The following SLC26A5 variants were observed in gnomAD, a reference collection of about 807,000 sequenced individuals.
SLC26A5 encodes the protein prestin.
SLC26A5 carries 51 observed loss-of-function variants against 81.0 expected under a neutral mutation model. That is an observed-to-expected ratio of 0.63 (90% CI 0.50 to 0.80). The LOEUF (loss-of-function observed/expected upper bound fraction) is 0.80. Among genes scored for constraint, SLC26A5 ranks in the 30% least tolerant of loss-of-function variants. The probability of loss-of-function intolerance (pLI) is 0.00; values close to 1 mark genes in which losing one functional copy is unlikely to be tolerated. For synonymous variants in SLC26A5, 325 were observed against 332.8 expected (o/e 0.98, Z 0.25); for missense variants, 771 against 905.8 (o/e 0.85, Z 1.91).
intron 2 of SLC26A5, among the ~76,000 whole-genome samples, chr7:103,425,209 A>T (rs997541920): frequency 6.6e-6 from 1 of 152,182 alleles, no homozygotes; most frequent in African/African-American, 2.4e-5. Context: ...AAGCAGAGCA[A>T]TTATATTTAT....
At chr7:103,365,497 C>T (rs1172959201) in intron 19 of SLC26A5, among the ~76,000 whole-genome samples, 1 of 151,978 alleles carries the variant, frequency 6.6e-6, no homozygotes, top group Non-Finnish European at 1.5e-5. Context: ...GGTGTGGTGG[C>T]GCATGTCTGT....
At chr7:103,440,973 C>G (rs190056974) in intron 2 of SLC26A5, among the ~76,000 whole-genome samples, 36 of 152,272 alleles carry the variant, frequency 2.4e-4, no homozygotes, top group African/African-American at 8.4e-4. Flanking sequence ...ACTGCATGCA[C>G]TGTGTATGGA....
chr7:103,386,555 T>G (rs1239984462), intron 14 of SLC26A5, among the ~76,000 whole-genome samples: 2 of 151,806 alleles, frequency 1.3e-5, no homozygotes, highest in Non-Finnish European at 2.9e-5. Context: ...AGAGCAAGAC[T>G]CTGTCTCAAA....
chr7:103,396,362 A>G (rs913694004), intron 9 of SLC26A5, among the ~76,000 whole-genome samples: 15 of 152,210 alleles, frequency 9.9e-5, no homozygotes, highest in Admixed American at 3.3e-4. Flanking sequence ...TCTCAAAGAC[A>G]TATTTGCACA....
In SLC26A5 at chr7:103,367,648, T is replaced by G; in HGVS notation, c.2041+9160A>C. On this transcript the variant is annotated intron_variant, in intron 19 of 19. Coordinates refer to the SLC26A5 transcript ENST00000339444. This position sits in a 1 kb window ranked among gnomAD's most constrained non-coding sequence, Gnocchi z 6.1. ...AACCATTTCATTTTAGGAAAGGGAT[T>G]TTTGAAGTTTTTTCTTCCTGTGATT... 6.2e-7 allele frequency: 1 copy of G among 1,609,504 alleles called. No homozygotes were observed. Among genetic ancestry groups the G allele is most frequent in the Non-Finnish European group, 8.5e-7 (1 of 1,177,848 alleles).
At chr7:103,352,937 AG>A (rs1234901837) in intron 19 of SLC26A5, 1 of 780,714 alleles carries the variant, frequency 1.3e-6, no homozygotes, top group Non-Finnish European at 2.4e-6. Context: ...CTGAAACAAG[AG>A]GGTAGAGTGA....
At chr7:103,361,335 C>CT (rs1820386501) in intron 19 of SLC26A5, among the ~76,000 whole-genome samples, 1 of 133,430 alleles carries the variant, frequency 7.5e-6, no homozygotes, top group Non-Finnish European at 1.6e-5. Flanking sequence ...CCCCTCTCTA[C>CT]TAAAAAAAAA....
chr7:103,382,883 G>T (rs1485458719), intron 14 of SLC26A5, among the ~76,000 whole-genome samples: 1 of 152,180 alleles, frequency 6.6e-6, no homozygotes, highest in Non-Finnish European at 1.5e-5. Flanking sequence ...GCTTGCCAGA[G>T]GCAGAATATG....
intron 19 of SLC26A5, chr7:103,363,494 A>T: frequency 2.0e-6 from 3 of 1,468,138 alleles, no homozygotes; most frequent in Non-Finnish European, 2.9e-6. Flanking sequence ...TCTTTTGTGT[A>T]TTGAGCACTA....
intron 19 of SLC26A5, among the ~76,000 whole-genome samples, chr7:103,353,750 T>C (rs780362558): frequency 2.6e-5 from 4 of 152,240 alleles, no homozygotes; most frequent in Non-Finnish European, 4.4e-5. Flanking sequence ...AGATAAAAAT[T>C]CCTTGAGTCC....
intron 14 of SLC26A5, among the ~76,000 whole-genome samples, chr7:103,381,450 C>T (rs1299767189): frequency 6.6e-6 from 1 of 150,582 alleles, no homozygotes; most frequent in Non-Finnish European, 1.5e-5. Context: ...TATACACAAT[C>T]ACACCACATA....
chr7:103,374,135 G>A, downstream of SLC26A5: 1 of 1,189,790 alleles, frequency 8.4e-7, no homozygotes, highest in Non-Finnish European at 1.1e-6. Flanking sequence ...ATTTTTCGAT[G>A]CTTAGCTTAC....
intron 19 of SLC26A5, chr7:103,368,664 A>G (rs1387457932): frequency 6.6e-6 from 1 of 152,214 alleles, no homozygotes. Context: ...CAAATTAATC[A>G]GGAAGAATTA....
chr7:103,355,777 C>A, intron 19 of SLC26A5: 1 of 1,613,466 alleles, frequency 6.2e-7, no homozygotes, highest in Non-Finnish European at 8.5e-7. Flanking sequence ...GAGTGAACAG[C>A]CTTTACAGGT....
intron 19 of SLC26A5, chr7:103,363,199 C>G (rs1820514579): frequency 1.6e-6 from 1 of 616,662 alleles, no homozygotes; most frequent in Non-Finnish European, 2.8e-6. Context: ...GCAAGTAGTT[C>G]CAGGGCACTG....
intron 18 of SLC26A5, 49 bp downstream of exon 18, chr7:103,377,550 C>A (rs145549399): frequency 2.1e-5 from 31 of 1,510,688 alleles, no homozygotes; most frequent in African/African-American, 2.7e-5. Context: ...GCTGATAGTA[C>A]GACACCAGGC....
intron 2 of SLC26A5, among the ~76,000 whole-genome samples, chr7:103,432,372 C>G (rs2214924): frequency 0.39 from 59,281 of 152,056 alleles, 15,704 homozygotes; most frequent in African/African-American, 0.74. Flanking sequence ...GGAGCTTCTC[C>G]TGTCATTGTG....
At position 103,443,172 on chromosome 7, in the gene SLC26A5, G is replaced by C. The variant is rs979040951; in HGVS notation, c.-143C>G. On this transcript the variant is annotated 5_prime_UTR_variant, in exon 2 of 20. Coordinates refer to ENST00000306312, the MANE Select transcript of SLC26A5 (RefSeq NM_198999.3). ...GCAGTTCACTGAAGCCTTGATCACT[G>C]AGGCTGAGAGCAGGAGAAGGGAGAG... 1 of 152,244 alleles carries C rather than the reference G, an allele frequency of 6.6e-6. No homozygotes were observed. The highest frequency in any genetic ancestry group is 6.5e-5 in the Admixed American group (1 of 15,288). The allele number at this position is 152,244 out of a possible 1,614,324, so 9.4% of individuals were successfully genotyped here.
intron 4 of SLC26A5, among the ~76,000 whole-genome samples, chr7:103,414,708 A>G (rs1824774556): frequency 6.6e-6 from 1 of 152,234 alleles, no homozygotes; most frequent in Non-Finnish European, 1.5e-5. Context: ...AATTATGAAT[A>G]AAGCTGCTAT....
Sources: gnomAD v4.1 joint callset for allele counts (sites outside exome capture counted in the v4.1 genomes callset) on GRCh38, gnomAD v4.1.1 for gene constraint, Gnocchi (gnomAD v3.1) non-coding constraint, MANE v1.5 for transcripts, NCBI Gene and HGNC (gene_info 2026-07-23, HGNC 2026-07-21) for gene names.